Variants in LTBP2 observed in about 807,000 individuals in gnomAD.
LTBP2 encodes the protein latent transforming growth factor beta binding protein 2.
In LTBP2, 103 loss-of-function variants were observed where a neutral mutation model predicts 210.6. The observed-to-expected ratio is 0.49, with a 90% CI of 0.42 to 0.58. The LOEUF (loss-of-function observed/expected upper bound fraction) is 0.58, where lower values mean the gene tolerates loss of function less well. Among genes scored for constraint, LTBP2 ranks in the 20% least tolerant of loss-of-function variants. LTBP2 has a pLI of 0.00. For missense variants in LTBP2, 2,313 were observed against 2,494.5 expected (o/e 0.93, Z 1.55); for synonymous variants, 1,007 against 1,015.0 (o/e 0.99, Z 0.15).
In LTBP2 at chr14:74,528,645, C is replaced by T. The variant is rs200629871; in HGVS notation, c.2206G>A (p.Asp736Asn). ...AGHGYTYASSDIRLSMRKAEE... is the reference protein window; with the variant it reads ...AGHGYTYASSNIRLSMRKAEE... ...GCTTTCCTCATGGACAGGCGGATGT[C>T]GGAGCTCGCGTAGGTGTAGCCGTGG... The change falls in exon 12 of 36, where the codon GAC (aspartate) becomes AAC (asparagine). Residue 736 changes from aspartate to asparagine, a missense_variant. Asp to Asn is a conservative substitution (Grantham distance 23). Coordinates refer to ENST00000261978, the MANE Select transcript of LTBP2 (RefSeq NM_000428.3). The T allele has an allele frequency of 8.4e-5, 136 of 1,613,340 alleles. 1 individual carries two copies. The East Asian group carries it at 1.6e-3, about 19-fold the overall frequency.
chr14:74,510,235 C>T (rs370199392), intron 19 of LTBP2, 22 bp from the exon 20 acceptor site: 48 of 1,611,990 alleles, frequency 3.0e-5, no homozygotes, highest in Admixed American at 1.0e-4. Flanking sequence ...AAGTCCAAGA[C>T]GGTGGGCTGG....
chr14:74,534,744 G>A (rs887816866), intron 9 of LTBP2, among the ~76,000 whole-genome samples: 1 of 152,156 alleles, frequency 6.6e-6, no homozygotes, highest in African/African-American at 2.4e-5. Context: ...AGAGAAGGAT[G>A]GAGAGAGAGG....
chr14:74,569,406 C>G (rs2087945363), intron 3 of LTBP2, among the ~76,000 whole-genome samples: 1 of 152,112 alleles, frequency 6.6e-6, no homozygotes, highest in Non-Finnish European at 1.5e-5. Context: ...GCAGGAGACC[C>G]CCTCTTAGCA....
intron 12 of LTBP2, 121 bp downstream of exon 12, chr14:74,528,362 C>T (rs934353232): frequency 6.8e-6 from 8 of 1,179,014 alleles, no homozygotes; most frequent in Admixed American, 5.5e-5. Context: ...TCCAAGCTCC[C>T]TTTCCTAATG....
intron 3 of LTBP2, among the ~76,000 whole-genome samples, chr14:74,579,305 T>TA (rs1595289406): frequency 6.6e-6 from 1 of 152,310 alleles, no homozygotes; most frequent in East Asian, 1.9e-4. Flanking sequence ...AATCTTTTGA[T>TA]AGTTCCCTCC....
intron 8 of LTBP2, among the ~76,000 whole-genome samples, chr14:74,548,914 T>C (rs1030684828): frequency 6.6e-6 from 1 of 152,226 alleles, no homozygotes; most frequent in Admixed American, 6.5e-5. Context: ...AACACTACCC[T>C]TTGCTACTTC....
At chr14:74,611,390 C>T (rs2088605353) in intron 1 of LTBP2, 61 bp downstream of exon 1, 1 of 1,407,478 alleles carries the variant, frequency 7.1e-7, no homozygotes, top group Non-Finnish European at 9.2e-7. Flanking sequence ...CCTGCACGCC[C>T]CTCCACAAAT....
At chr14:74,605,025 G>C (rs896605344) in intron 1 of LTBP2, among the ~76,000 whole-genome samples, 17 of 152,228 alleles carry the variant, frequency 1.1e-4, no homozygotes, top group South Asian at 2.1e-4. Context: ...TCCTTGGCAG[G>C]CTGGGCCGGG....
intron 22 of LTBP2, 125 bp from the exon 23 acceptor site, chr14:74,509,077 C>T: frequency 6.4e-7 from 1 of 1,568,580 alleles, no homozygotes; most frequent in Non-Finnish European, 8.7e-7. Flanking sequence ...GGATCATCCC[C>T]TCATGAGGCA....
rs772747616 is a variant in LTBP2, at chr14:74,503,563, G to A, written c.4626C>T (p.Cys1542=). 1.3e-5 allele frequency: 21 copies of A among 1,613,786 alleles called. No individual in the cohort carries two copies. The highest frequency in any genetic ancestry group is 6.7e-5 in the East Asian group (3 of 44,872). Residue 1542 remains cysteine (C), a synonymous_variant, in exon 32 of 36, where the codon TGC becomes TGT. Coordinates refer to ENST00000261978, the MANE Select transcript of LTBP2 (RefSeq NM_000428.3). The part of the protein sequence containing the change: ...CQDLACENGE[C]VNTEGSFHCF... ...AGTGGAAGGAGCCCTCCGTGTTGAC[G>A]CACTCGCCATTCTCACAGGCCAGGT...
At chr14:74,568,660 G>A (rs2087934719) in intron 3 of LTBP2, among the ~76,000 whole-genome samples, 1 of 152,128 alleles carries the variant, frequency 6.6e-6, no homozygotes, top group Admixed American at 6.5e-5. Flanking sequence ...ATTAAAATTA[G>A]GAAGTAGGTA....
At chr14:74,554,970 G>A (rs903196500) in intron 4 of LTBP2, among the ~76,000 whole-genome samples, 4 of 151,954 alleles carry the variant, frequency 2.6e-5, no homozygotes, top group African/African-American at 9.7e-5. Flanking sequence ...CCTCGGGAAA[G>A]GAGGGGAGGG....
chr14:74,559,965 GA>G (rs1430858939), intron 3 of LTBP2: 1 of 152,134 alleles, frequency 6.6e-6, no homozygotes, highest in East Asian at 1.9e-4. Flanking sequence ...TTCATCAAAG[GA>G]CAGAGGTTCC....
chr14:74,559,520 C>T (rs1418560555), intron 3 of LTBP2, among the ~76,000 whole-genome samples: 2 of 152,086 alleles, frequency 1.3e-5, no homozygotes, highest in African/African-American at 4.8e-5. Flanking sequence ...AGGTGAGCAG[C>T]GAGAGAGGCT....
intron 15 of LTBP2, among the ~76,000 whole-genome samples, chr14:74,523,311 G>A (rs1050769535): frequency 4.6e-5 from 7 of 152,166 alleles, no homozygotes; most frequent in African/African-American, 1.7e-4. Flanking sequence ...GACAGACCTG[G>A]TGAGTAAGGT....
At chr14:74,504,082 G>A (rs1369352132) in intron 30 of LTBP2, 28 bp from the exon 31 acceptor site, 1 of 1,612,664 alleles carries the variant, frequency 6.2e-7, no homozygotes, top group Admixed American at 1.7e-5. Flanking sequence ...GAGGTGAGAG[G>A]AAGGTGAGAG....
In LTBP2 at chr14:74,522,907, A is replaced by G. The variant is rs780518613; in HGVS notation, c.2542T>C (p.Cys848Arg). The G allele has an allele frequency of 1.2e-6, 2 of 1,612,140 alleles. No homozygotes were observed. Among genetic ancestry groups the G allele is most frequent in the South Asian group, 1.1e-5 (1 of 90,522 alleles). Reference sequence around the variant, plus strand: ...CAGACGTTGGTGGCTCCAGCAGCGCATCTGTCAATGCCTGTGGGAGACAGA... The same window carrying G: ...CAGACGTTGGTGGCTCCAGCAGCGCGTCTGTCAATGCCTGTGGGAGACAGA... ...VTLSTPGIDR[C>R]AAGATNVCGP... The change falls in exon 16 of 36, where the codon TGC (cysteine) becomes CGC (arginine). Residue 848 changes from cysteine (C) to arginine (R), a missense_variant. Transcript: ENST00000261978.
intron 30 of LTBP2, 105 bp from the exon 31 acceptor site, chr14:74,504,159 C>CT: frequency 6.9e-7 from 1 of 1,451,822 alleles, no homozygotes; most frequent in Non-Finnish European, 9.4e-7. Context: ...AGCTCTGCCA[C>CT]TTACTAGGTG....
chr14:74,577,783 A>G (rs2088079559), intron 3 of LTBP2, among the ~76,000 whole-genome samples: 2 of 99,056 alleles, frequency 2.0e-5, no homozygotes, highest in Non-Finnish European at 4.5e-5. Context: ...CTGGGATTAC[A>G]GGCATGGCCA....
Sources: allele counts gnomAD v4.1 joint callset (sites outside exome capture counted in the v4.1 genomes callset), GRCh38; gene constraint gnomAD v4.1.1; transcripts MANE v1.5; gene names NCBI Gene and HGNC (gene_info 2026-07-23, HGNC 2026-07-21).